The following ANO2 variants were observed in gnomAD, a reference collection of about 807,000 sequenced individuals.
The protein encoded by ANO2 is anoctamin 2.
Under a neutral mutation model 124.2 loss-of-function variants are expected in ANO2, and 101 were observed. The ratio of observed to expected loss-of-function variants is 0.81; its 90% CI spans 0.69 to 0.96. ANO2 has a LOEUF of 0.96. ANO2 is among the 40% of genes least tolerant of loss of function. ANO2 has a pLI of 0.00. For synonymous variants in ANO2, 486 were observed against 482.5 expected (o/e 1.01, Z -0.09); for missense variants, 1,293 against 1,274.5 (o/e 1.01, Z -0.22).
At chr12:5,923,455 GTGGCAGCAGCACCAGC>G (rs1296670007) in intron 1 of ANO2, among the ~76,000 whole-genome samples, 1 of 152,196 alleles carries the variant, frequency 6.6e-6, no homozygotes, top group Non-Finnish European at 1.5e-5. Flanking sequence ...GGCCTCTCCC[GTGGCAGCAGCACCAGC>G]TGGCACCCTG....
At chr12:5,945,084 C>A in intron 1 of ANO2, 112 bp downstream of exon 1, 1 of 1,032,458 alleles carries the variant, frequency 9.7e-7, no homozygotes, top group Non-Finnish European at 1.3e-6. Context: ...CCTGCCCAGG[C>A]TCCCTTGGGG....
chr12:5,818,481 ATATATATATATATG>A (rs1182859445), intron 7 of ANO2, among the ~76,000 whole-genome samples: 7 of 74,178 alleles, frequency 9.4e-5, no homozygotes, highest in East Asian at 4.4e-4. Context: ...ATATATATAT[ATATATATATATATG>A]GATATGTAAT....
intron 3 of ANO2, among the ~76,000 whole-genome samples, chr12:5,881,537 G>T (rs756426877): frequency 1.8e-4 from 28 of 152,190 alleles, no homozygotes; most frequent in Non-Finnish European, 3.8e-4. Context: ...TTCTCCTGGG[G>T]CTATACAGCA....
At chr12:5,673,477 A>T (rs1454460697) in intron 14 of ANO2, among the ~76,000 whole-genome samples, 1 of 152,220 alleles carries the variant, frequency 6.6e-6, no homozygotes, top group Non-Finnish European at 1.5e-5. Flanking sequence ...TTTGCTTGGT[A>T]AACCTTTTTT....
chr12:5,897,516 T>C (rs1332711244), intron 3 of ANO2, among the ~76,000 whole-genome samples: 1 of 152,074 alleles, frequency 6.6e-6, no homozygotes, highest in African/African-American at 2.4e-5. Flanking sequence ...ATGCAGTGAT[T>C]AAGATAATGA....
intron 14 of ANO2, among the ~76,000 whole-genome samples, chr12:5,701,374 T>C (rs1289889560): frequency 6.6e-6 from 1 of 152,190 alleles, no homozygotes; most frequent in East Asian, 1.9e-4. Context: ...TTGCCATTTT[T>C]CTTATTGAAA....
chr12:5,637,321 G>T (rs1433869337), intron 15 of ANO2, among the ~76,000 whole-genome samples: 1 of 142,784 alleles, frequency 7.0e-6, no homozygotes, highest in African/African-American at 2.6e-5. Flanking sequence ...GGAGGTGAGG[G>T]TATTGAGGAG....
chr12:5,887,925 C>G (rs984904597), intron 3 of ANO2, among the ~76,000 whole-genome samples: 1 of 151,214 alleles, frequency 6.6e-6, no homozygotes, highest in Non-Finnish European at 1.5e-5. Flanking sequence ...TCAGGTTTGT[C>G]TGCTCACAAA....
chr12:5,601,750 G>C (rs1375475592), intron 19 of ANO2, among the ~76,000 whole-genome samples: 1 of 152,152 alleles, frequency 6.6e-6, no homozygotes, highest in African/African-American at 2.4e-5. Context: ...ACCAATGAAT[G>C]AATTTTAAAA....
intron 14 of ANO2, among the ~76,000 whole-genome samples, chr12:5,661,475 G>A (rs1281414885): frequency 1.3e-5 from 2 of 152,176 alleles, no homozygotes; most frequent in Non-Finnish European, 2.9e-5. Context: ...GTGCCTTGAT[G>A]GAGCTCTAAG....
chr12:5,682,717 T>C (rs569075098), intron 14 of ANO2, among the ~76,000 whole-genome samples: 68 of 152,294 alleles, frequency 4.5e-4, no homozygotes, highest in East Asian at 9.6e-4. Flanking sequence ...TCTTTCCCTA[T>C]GTGTTAAGGA....
intron 14 of ANO2, among the ~76,000 whole-genome samples, chr12:5,685,858 C>T (rs1483028873): frequency 6.6e-6 from 1 of 152,196 alleles, no homozygotes; most frequent in Admixed American, 6.5e-5. Context: ...GCTCGTCCAA[C>T]AGAATGGTGA....
chr12:5,827,492 G>A (rs1953995713), intron 7 of ANO2, among the ~76,000 whole-genome samples: 1 of 152,226 alleles, frequency 6.6e-6, no homozygotes, highest in Non-Finnish European at 1.5e-5. Flanking sequence ...AAAGTGGCAG[G>A]TGTGGGCGGT....
At chr12:5,831,109 G>C (rs1324214431) in intron 5 of ANO2, among the ~76,000 whole-genome samples, 1 of 152,120 alleles carries the variant, frequency 6.6e-6, no homozygotes, top group East Asian at 1.9e-4. Context: ...ATAGCACATG[G>C]GGCATGTTTG....
At position 5,894,576 on chromosome 12, in the gene ANO2, C is replaced by T. The variant is rs1292581285; in HGVS notation, c.534+26464G>A. Among the ~76,000 whole-genome samples, 3 of 152,262 alleles carry T rather than the reference C, an allele frequency of 2.0e-5. No homozygotes were observed. The East Asian group carries it at 5.8e-4, about 29-fold the overall frequency. ...ATGAAGTCTTTGCCCATGCCTATGT[C>T]CTGAATGGTATTGCCTAGGTTTTCT... On this transcript the variant is annotated intron_variant, in intron 3 of 24. Coordinates refer to ENST00000682330, the MANE Select transcript of ANO2 (RefSeq NM_001364791.2).
intron 3 of ANO2, among the ~76,000 whole-genome samples, chr12:5,905,490 T>A (rs1940611449): frequency 6.6e-6 from 1 of 152,144 alleles, no homozygotes; most frequent in Non-Finnish European, 1.5e-5. Flanking sequence ...CCAAGATTCA[T>A]GAGGCCCCAG....
Position 5,725,623 on chromosome 12 carries a change from T to C in ANO2, c.1545+6897A>G, listed in dbSNP as rs1449733579. ...AGGGAAATCCAGGGTATTTCTCCTT[T>C]ACTTCTTCTATCTGCTTCAGATGGC... On this transcript the variant is annotated intron_variant, in intron 14 of 24. Transcript: ENST00000682330. 2.2e-4 allele frequency among the ~76,000 whole-genome samples: 33 copies of C among 152,184 alleles called. 1 individual carries two copies. The highest frequency in any genetic ancestry group is 2.2e-3 in the Admixed American group (33 of 15,282).
At chr12:5,821,460 G>A (rs183989581) in intron 7 of ANO2, among the ~76,000 whole-genome samples, 5 of 152,352 alleles carry the variant, frequency 3.3e-5, no homozygotes, top group African/African-American at 1.2e-4. Context: ...ATAGGAGAAG[G>A]CTCTGCAACA....
At chr12:5,711,578 C>T (rs755194451) in intron 14 of ANO2, among the ~76,000 whole-genome samples, 14 of 152,160 alleles carry the variant, frequency 9.2e-5, no homozygotes, top group Admixed American at 2.0e-4. Context: ...GTCTCATATA[C>T]GTAAGACACT....
Sources: allele counts gnomAD v4.1 joint callset (sites outside exome capture counted in the v4.1 genomes callset), GRCh38; gene constraint gnomAD v4.1.1; transcripts MANE v1.5; gene names NCBI Gene and HGNC (gene_info 2026-07-23, HGNC 2026-07-21).